Variants in PRKG1 observed in about 807,000 individuals in gnomAD.
PRKG1 encodes the protein protein kinase cGMP-dependent 1.
In PRKG1, 35 loss-of-function variants were observed where a neutral mutation model predicts 88.1. The observed-to-expected ratio is 0.40, with a 90% CI of 0.30 to 0.53. The LOEUF is 0.53. PRKG1 is among the 20% of genes least tolerant of loss of function. PRKG1 has a pLI of 0.59. For missense variants in PRKG1, 540 were observed against 839.8 expected (o/e 0.64, Z 4.41); for synonymous variants, 303 against 292.5 (o/e 1.04, Z -0.37).
chr10:51,571,730 G>T (rs929658568), intron 3 of PRKG1, among the ~76,000 whole-genome samples: 6 of 151,852 alleles, frequency 4.0e-5, no homozygotes, highest in Non-Finnish European at 1.5e-5. Flanking sequence ...GCATAGATGA[G>T]ATAACAAAGA....
Position 52,298,142 on chromosome 10 carries a change from T to C in PRKG1, c.*4242T>C, listed in dbSNP as rs1302387425. 6.6e-6 allele frequency: 1 copy of C among 152,124 alleles called. No homozygotes were observed. Among genetic ancestry groups the C allele is most frequent in the African/African-American group, 2.4e-5 (1 of 41,418 alleles). 9.4% of individuals were successfully genotyped at this position (152,124 alleles called of 1,614,324 possible). Reference sequence around the variant, plus strand: ...GTTATTTGATTGTCCTCTTACAATTTGTTCTACATGAAAGAGTTCTTTGTT... The same window carrying C: ...GTTATTTGATTGTCCTCTTACAATTCGTTCTACATGAAAGAGTTCTTTGTT... On this transcript the variant is annotated 3_prime_UTR_variant, in exon 18 of 18. Coordinates refer to ENST00000373980, the MANE Select transcript of PRKG1 (RefSeq NM_006258.4).
intron 3 of PRKG1, among the ~76,000 whole-genome samples, chr10:51,472,012 A>C (rs1840061251): frequency 6.6e-6 from 1 of 151,966 alleles, no homozygotes. Flanking sequence ...CTTCATTATT[A>C]ATGCCAAAGA....
intron 3 of PRKG1, among the ~76,000 whole-genome samples, chr10:51,506,504 T>C (rs1477151612): frequency 1.3e-5 from 2 of 152,116 alleles, no homozygotes; most frequent in Admixed American, 1.3e-4. Context: ...TATGAACAGA[T>C]ACTTCTCAAA....
chr10:51,145,348 AT>A (rs149164748), intron 1 of PRKG1, among the ~76,000 whole-genome samples: 4 of 151,800 alleles, frequency 2.6e-5, no homozygotes, highest in South Asian at 2.1e-4. Context: ...AATATCTGAC[AT>A]TTTTTTTCTC....
chr10:51,045,381 G>A (rs1004180970), intron 1 of PRKG1, among the ~76,000 whole-genome samples: 2 of 151,812 alleles, frequency 1.3e-5, no homozygotes, highest in Non-Finnish European at 2.9e-5. Context: ...GAGTGCAGTG[G>A]TGCGATCTTG....
At chr10:51,427,137 GT>G (rs1838612096) in intron 2 of PRKG1, among the ~76,000 whole-genome samples, 1 of 152,044 alleles carries the variant, frequency 6.6e-6, no homozygotes, top group African/African-American at 2.4e-5. Context: ...ATCTAAAATT[GT>G]TTTCATCAGC....
At chr10:51,899,169 C>T (rs1781459008) in intron 4 of PRKG1, among the ~76,000 whole-genome samples, 1 of 152,004 alleles carries the variant, frequency 6.6e-6, no homozygotes, top group Non-Finnish European at 1.5e-5. Context: ...TTCATCAATA[C>T]ATCAATTTTA....
Position 51,551,132 on chromosome 10 carries a change from C to T in PRKG1, c.592+83296C>T, listed in dbSNP as rs145053895. ...GGTATAACTTTTGTCATCACAAAAG[C>T]AAATACTCACATAATGGGTATTTAA... is the stretch of plus-strand genomic sequence containing the variant. On this transcript the variant is annotated intron_variant, in intron 3 of 17. Transcript: ENST00000373980. Among the ~76,000 whole-genome samples the T allele has an allele frequency of 2.4e-3, 359 of 151,820 alleles. 3 individuals carry two copies. The highest frequency in any genetic ancestry group is 7.8e-3 in the African/African-American group (325 of 41,478).
intron 3 of PRKG1, among the ~76,000 whole-genome samples, chr10:51,659,574 T>C (rs923449751): frequency 1.3e-5 from 2 of 152,000 alleles, no homozygotes; most frequent in Non-Finnish European, 2.9e-5. Context: ...GCAGGGGAAA[T>C]TTAGGAGTAT....
At chr10:51,059,886 G>A (rs1421038905) in intron 1 of PRKG1, among the ~76,000 whole-genome samples, 3 of 151,948 alleles carry the variant, frequency 2.0e-5, no homozygotes, top group South Asian at 2.1e-4. Flanking sequence ...GCCTGCCTAG[G>A]TCTATCACTT....
chr10:51,772,538 A>C (rs1838329633), intron 3 of PRKG1, among the ~76,000 whole-genome samples: 1 of 152,088 alleles, frequency 6.6e-6, no homozygotes, highest in South Asian at 2.1e-4. Flanking sequence ...TACAGAATGA[A>C]AGTCTGGTAA....
intron 2 of PRKG1, among the ~76,000 whole-genome samples, chr10:51,374,399 G>A (rs1178678675): frequency 1.3e-5 from 2 of 151,882 alleles, no homozygotes; most frequent in Non-Finnish European, 2.9e-5. Flanking sequence ...TTTCATCTAT[G>A]TCCCTGCAAA....
intron 9 of PRKG1, among the ~76,000 whole-genome samples, chr10:52,190,172 A>T (rs971652347): frequency 6.6e-6 from 1 of 152,232 alleles, no homozygotes; most frequent in African/African-American, 2.4e-5. Context: ...ATTTTTAAGC[A>T]ATAGAATGAA....
rs78683712 is a variant in PRKG1, at chr10:52,120,386, G to A, written c.936-13454G>A. Among the ~76,000 whole-genome samples the A allele has an allele frequency of 8.5e-3, 1,296 of 152,094 alleles. 14 individuals are homozygous for A. The highest frequency in any genetic ancestry group is 0.026 in the African/African-American group (1,085 of 41,464). On this transcript the variant is annotated intron_variant, in intron 7 of 17. Transcript: ENST00000373980. ...CCCCCAAAGTTTTAACTAGTTCAGC[G>A]TCAACTCAAAAGTCCGAATCCCAAA...
At chr10:51,657,676 T>TA (rs1283313671) in intron 3 of PRKG1, among the ~76,000 whole-genome samples, 9 of 152,182 alleles carry the variant, frequency 5.9e-5, no homozygotes, top group African/African-American at 2.2e-4. Flanking sequence ...AGCATACCGT[T>TA]AAGCAGTTTA....
At chr10:52,232,713 A>G (rs1470589855) in intron 9 of PRKG1, among the ~76,000 whole-genome samples, 1 of 152,138 alleles carries the variant, frequency 6.6e-6, no homozygotes, top group East Asian at 1.9e-4. Context: ...TCTGTTCAGG[A>G]GGGACAACCC....
At chr10:51,236,655 A>G (rs1385541156) in intron 2 of PRKG1, among the ~76,000 whole-genome samples, 2 of 152,022 alleles carry the variant, frequency 1.3e-5, no homozygotes, top group African/African-American at 4.8e-5. Context: ...GGTGTGCGCC[A>G]CCATGCCCAG....
chr10:51,887,696 G>A (rs547358643), intron 4 of PRKG1, among the ~76,000 whole-genome samples: 28 of 152,164 alleles, frequency 1.8e-4, no homozygotes, highest in Non-Finnish European at 2.9e-4. Flanking sequence ...GCACTTTTTC[G>A]TATACCTACC....
chr10:50,991,310 AGCCGCC>A lies in PRKG1; in HGVS notation c.-41_-36del, dbSNP rs79957958. ...GCTCTCCGCTGCCGGCTGCCGTCCC[AGCCGCC>A]GCCGCCGCCGCCGCCGCCGCCGCCG... is the stretch of plus-strand genomic sequence containing the variant. On this transcript the variant is annotated 5_prime_UTR_variant, in exon 1 of 18. Coordinates refer to the PRKG1 transcript ENST00000401604. The surrounding 1 kb of genome is among the most constrained non-coding windows in gnomAD (Gnocchi z 4.5). 946 of 1,396,968 alleles carry A rather than the reference AGCCGCC, an allele frequency of 6.8e-4. 8 individuals carry two copies. Among genetic ancestry groups the A allele is most frequent in the African/African-American group, 3.1e-3 (187 of 61,168 alleles). 86.5% of individuals were successfully genotyped at this position (1,396,968 alleles called of 1,614,324 possible).
Sources: gnomAD v4.1 joint callset for allele counts (sites outside exome capture counted in the v4.1 genomes callset) on GRCh38, gnomAD v4.1.1 for gene constraint, Gnocchi (gnomAD v3.1) non-coding constraint, MANE v1.5 for transcripts, NCBI Gene and HGNC (gene_info 2026-07-23, HGNC 2026-07-21) for gene names.